The following EEFSEC variants were observed in gnomAD, a reference collection of about 807,000 sequenced individuals.
EEFSEC encodes the protein selenocysteine-specific elongation factor.
Under a neutral mutation model 42.1 loss-of-function variants are expected in EEFSEC, and 43 were observed. The ratio of observed to expected loss-of-function variants is 1.02; its 90% CI spans 0.80 to 1.32. EEFSEC has a LOEUF of 1.32. Ranked by LOEUF, EEFSEC falls within the 40% of genes most tolerant of loss-of-function variation. The pLI is 0.00. For synonymous variants in EEFSEC, 354 were observed against 339.1 expected (o/e 1.04, Z -0.48); for missense variants, 745 against 803.6 (o/e 0.93, Z 0.88).
At chr3:128,247,139 AG>A in intron 2 of EEFSEC, 96 bp downstream of exon 2, 3 of 1,294,956 alleles carry the variant, frequency 2.3e-6, no homozygotes, top group Non-Finnish European at 3.3e-6. Flanking sequence ...GGCAGGTGTC[AG>A]CCTCCCGTCC....
chr3:128,268,512 C>T (rs531764078), intron 4 of EEFSEC, among the ~76,000 whole-genome samples: 4 of 152,022 alleles, frequency 2.6e-5, no homozygotes, highest in Non-Finnish European at 5.9e-5. Flanking sequence ...ATATGTCTAC[C>T]AGAACCTCAG....
chr3:128,338,147 A>C (rs185660526), intron 4 of EEFSEC, among the ~76,000 whole-genome samples: 1 of 152,268 alleles, frequency 6.6e-6, no homozygotes, highest in African/African-American at 2.4e-5. Flanking sequence ...TGCCTTATTC[A>C]TACAGTTCAG....
chr3:128,293,660 C>CAAA (rs759485696), intron 4 of EEFSEC, among the ~76,000 whole-genome samples: 7 of 14,140 alleles, frequency 5.0e-4, no homozygotes, highest in African/African-American at 8.6e-4. Flanking sequence ...GACTCTATCT[C>CAAA]AAAAAAAAAA....
intron 1 of EEFSEC, among the ~76,000 whole-genome samples, chr3:128,236,492 A>G (rs1291388887): frequency 1.3e-5 from 2 of 152,234 alleles, no homozygotes; most frequent in Admixed American, 1.3e-4. Flanking sequence ...CGAACACTCA[A>G]CATGTTAGCT....
chr3:128,221,368 A>G (rs1250602738), intron 1 of EEFSEC, among the ~76,000 whole-genome samples: 1 of 152,198 alleles, frequency 6.6e-6, no homozygotes, highest in African/African-American at 2.4e-5. Flanking sequence ...CACCTGGTAA[A>G]TTAAGAAAAA....
At chr3:128,216,733 G>A (rs931707508) in intron 1 of EEFSEC, among the ~76,000 whole-genome samples, 3 of 152,238 alleles carry the variant, frequency 2.0e-5, no homozygotes, top group Non-Finnish European at 4.4e-5. Context: ...TGCTCACAGA[G>A]GTCACATGAC....
chr3:128,225,568 A>G (rs929233567), intron 1 of EEFSEC, among the ~76,000 whole-genome samples: 2 of 152,236 alleles, frequency 1.3e-5, no homozygotes, highest in Non-Finnish European at 2.9e-5. Flanking sequence ...GTGAATGCAG[A>G]TGTAAGCATC....
intron 1 of EEFSEC, among the ~76,000 whole-genome samples, chr3:128,185,190 A>G (rs1280083141): frequency 6.6e-6 from 1 of 152,100 alleles, no homozygotes; most frequent in African/African-American, 2.4e-5. Flanking sequence ...TGAATATTTA[A>G]TGTTTGATTA....
At position 128,153,782 on chromosome 3, in the gene EEFSEC, A is replaced by G. The variant is rs1281638640; in HGVS notation, c.275A>G (p.Asp92Gly). The change falls in exon 1 of 7, where the codon GAC becomes GGC. Residue 92 changes from aspartate (D) to glycine (G), a missense_variant. Coordinates refer to ENST00000254730, the MANE Select transcript of EEFSEC (RefSeq NM_021937.5). ...CCACTGCTTCAGGTCACGCTGGTCG[A>G]CTGCCCCGGGCACGCCTCCCTCATC... ...GEPLLQVTLV[D>G]CPGHASLIRT... is the part of the protein sequence containing the mutation. The G allele has an allele frequency of 6.5e-7, 1 of 1,529,990 alleles. No individual in the cohort carries two copies. Among genetic ancestry groups the G allele is most frequent in the Non-Finnish European group, 8.7e-7 (1 of 1,145,172 alleles). 94.8% of individuals were successfully genotyped at this position (1,529,990 alleles called of 1,614,324 possible).
chr3:128,262,061 C>A, intron 2 of EEFSEC, 67 bp from the exon 3 acceptor site: 1 of 1,493,528 alleles, frequency 6.7e-7, no homozygotes, highest in Non-Finnish European at 9.3e-7. Flanking sequence ...CCAGGTGCTT[C>A]ATGGACGTGC....
At chr3:128,391,037 A>T (rs796769276) in intron 6 of EEFSEC, among the ~76,000 whole-genome samples, 105 of 152,324 alleles carry the variant, frequency 6.9e-4, no homozygotes, top group African/African-American at 2.2e-3. Flanking sequence ...CACCTGTCAT[A>T]CGACACATGG....
the EEFSEC span, among the ~76,000 whole-genome samples, chr3:128,418,128 C>A: frequency 2.0e-5 from 3 of 152,088 alleles, no homozygotes; most frequent in Admixed American, 6.5e-5. Context: ...AGTCCCCAGA[C>A]CAGACTGGGC....
At chr3:128,170,014 G>A (rs1469739751) in intron 1 of EEFSEC, among the ~76,000 whole-genome samples, 1 of 152,152 alleles carries the variant, frequency 6.6e-6, no homozygotes, top group Admixed American at 6.5e-5. Context: ...TTTGGCATGG[G>A]ACTTGGTCAG....
chr3:128,186,866 T>C (rs2065471198), intron 1 of EEFSEC, among the ~76,000 whole-genome samples: 2 of 152,190 alleles, frequency 1.3e-5, no homozygotes, highest in Non-Finnish European at 2.9e-5. Flanking sequence ...TAATAGTAGA[T>C]TGCTACTGAG....
intron 1 of EEFSEC, among the ~76,000 whole-genome samples, chr3:128,167,981 C>T (rs547106099): frequency 1.5e-3 from 229 of 152,254 alleles, no homozygotes; most frequent in African/African-American, 5.0e-3. Flanking sequence ...GGTTTCTTTT[C>T]GAGCCAGGGC....
intron 6 of EEFSEC, among the ~76,000 whole-genome samples, chr3:128,387,112 C>G (rs61708993): frequency 0.024 from 3,653 of 152,320 alleles, 143 homozygotes; most frequent in African/African-American, 0.084. Flanking sequence ...GGGCTGGCAA[C>G]ACCAGCCACC....
intron 1 of EEFSEC, among the ~76,000 whole-genome samples, chr3:128,224,622 C>T (rs960196637): frequency 2.2e-4 from 34 of 152,196 alleles, no homozygotes; most frequent in Non-Finnish European, 1.5e-4. Context: ...CCCTGCTTTT[C>T]TTGCTGAAGT....
intron 1 of EEFSEC, among the ~76,000 whole-genome samples, chr3:128,192,376 G>T (rs2065534665): frequency 6.6e-6 from 1 of 152,158 alleles, no homozygotes; most frequent in Non-Finnish European, 1.5e-5. Flanking sequence ...GCTGCAGCAG[G>T]CCCTGGACCC....
chr3:128,379,676 T>C (rs915760289), intron 6 of EEFSEC, among the ~76,000 whole-genome samples: 1 of 152,154 alleles, frequency 6.6e-6, no homozygotes, highest in African/African-American at 2.4e-5. Flanking sequence ...GGGGTATCTT[T>C]CCTTGCGGCA....
Sources: gnomAD v4.1 joint callset for allele counts (sites outside exome capture counted in the v4.1 genomes callset) on GRCh38, gnomAD v4.1.1 for gene constraint, MANE v1.5 for transcripts, NCBI Gene and HGNC (gene_info 2026-07-23, HGNC 2026-07-21) for gene names.